REV1: variants seen among roughly 807,000 people sequenced by gnomAD.
REV1 encodes REV1 DNA directed polymerase.
REV1 carries 42 observed loss-of-function variants against 137.4 expected under a neutral mutation model. The ratio of observed to expected loss-of-function variants is 0.31; its 90% CI spans 0.24 to 0.40. The LOEUF (loss-of-function observed/expected upper bound fraction) is 0.40. REV1 is among the 10% of genes least tolerant of loss of function. The pLI is 1.00. For missense variants in REV1, 1,282 were observed against 1,490.1 expected (o/e 0.86, Z 2.30); for synonymous variants, 524 against 519.2 (o/e 1.01, Z -0.12).
chr2:99,450,753 G>A (rs1393419173), intron 3 of REV1, among the ~76,000 whole-genome samples: 2 of 152,064 alleles, frequency 1.3e-5, no homozygotes, highest in African/African-American at 2.4e-5. Context: ...ATTTCAACAT[G>A]TAATCAACAG....
chr2:99,431,223 A>T (rs1402714177), intron 8 of REV1, among the ~76,000 whole-genome samples: 4 of 152,242 alleles, frequency 2.6e-5, no homozygotes, highest in Non-Finnish European at 4.4e-5. Context: ...GCATAAATGC[A>T]AATCAAACTG....
chr2:99,419,969 G>A (rs1450449761), intron 11 of REV1, among the ~76,000 whole-genome samples: 1 of 152,212 alleles, frequency 6.6e-6, no homozygotes, highest in East Asian at 1.9e-4. Flanking sequence ...CAGGGGAGGG[G>A]AAAGGCACTG....
intron 9 of REV1, among the ~76,000 whole-genome samples, chr2:99,428,772 G>A (rs1306059814): frequency 2.6e-5 from 4 of 152,096 alleles, no homozygotes; most frequent in Non-Finnish European, 5.9e-5. Context: ...GAGGCGGATG[G>A]ATCACGAGGT....
At chr2:99,464,334 ATAT>A (rs1242034814) in intron 2 of REV1, among the ~76,000 whole-genome samples, 1 of 152,234 alleles carries the variant, frequency 6.6e-6, no homozygotes, top group Non-Finnish European at 1.5e-5. Flanking sequence ...GATTATTAAA[ATAT>A]TATATGCTCA....
chr2:99,454,986 C>T (rs1208800073), intron 3 of REV1, among the ~76,000 whole-genome samples: 1 of 152,158 alleles, frequency 6.6e-6, no homozygotes, highest in Non-Finnish European at 1.5e-5. Context: ...ATATGAAGAC[C>T]ACTTTCACGT....
intron 7 of REV1, among the ~76,000 whole-genome samples, chr2:99,435,107 T>C (rs1323973081): frequency 9.2e-5 from 14 of 152,206 alleles, no homozygotes; most frequent in Admixed American, 9.2e-4. Flanking sequence ...AGCTACTCTA[T>C]GAAAATCAAT....
Position 99,410,873 on chromosome 2 carries a change from G to A in REV1, c.2173-6C>T. On this transcript the variant is annotated splice_region_variant and splice_polypyrimidine_tract_variant and intron_variant, in intron 13 of 22. Transcript: ENST00000258428. ...AAAGCTTCTGCCTCTTTTGGCTATG[G>A]AAAGACAAACGTGGAGAAACTACCA... The A allele has an allele frequency of 1.9e-6, 3 of 1,576,764 alleles. No homozygotes were observed.
intron 17 of REV1, 41 bp downstream of exon 17, chr2:99,405,869 G>T (rs764910142): frequency 8.1e-6 from 10 of 1,235,766 alleles, no homozygotes; most frequent in Middle Eastern, 2.0e-4. Flanking sequence ...TTATATTTAG[G>T]AGTATAAAAT....
chr2:99,487,660 A>C lies in REV1; in HGVS notation c.-11+2157T>G. On this transcript the variant is annotated intron_variant, in intron 1 of 22. Transcript: ENST00000258428. ...TAGTAAAAAAAAACTTTTCATTTTT[A>C]AATGTTCTGTTTAATATACTCTATG... 1.7e-5 allele frequency among the ~76,000 whole-genome samples: 2 copies of C among 119,134 alleles called. 1 individual carries two copies. Among genetic ancestry groups the C allele is most frequent in the Non-Finnish European group, 3.7e-5 (2 of 54,582 alleles). The allele number at this position is 119,134 out of a possible 152,430, so 78.2% of individuals were successfully genotyped here.
At chr2:99,478,371 T>C (rs921051605) in intron 1 of REV1, among the ~76,000 whole-genome samples, 1 of 152,198 alleles carries the variant, frequency 6.6e-6, no homozygotes, top group African/African-American at 2.4e-5. Flanking sequence ...ATTGCATTTA[T>C]TAAGCATCTC....
At chr2:99,450,726 A>T (rs1306487830) in intron 3 of REV1, among the ~76,000 whole-genome samples, 2 of 152,236 alleles carry the variant, frequency 1.3e-5, no homozygotes, top group East Asian at 1.9e-4. Flanking sequence ...TATTTAACCC[A>T]ATATATCCAA....
At chr2:99,447,233 T>C (rs1268375811) in intron 4 of REV1, among the ~76,000 whole-genome samples, 1 of 152,002 alleles carries the variant, frequency 6.6e-6, no homozygotes, top group Non-Finnish European at 1.5e-5. Flanking sequence ...CTCAGCTCAT[T>C]GTAACCTTTG....
chr2:99,403,520 C>A, intron 19 of REV1, 175 bp downstream of exon 19: 1 of 833,616 alleles, frequency 1.2e-6, no homozygotes, highest in South Asian at 1.9e-5. Flanking sequence ...GACACAAATC[C>A]AACTAGAAAT....
At chr2:99,460,222 G>A (rs546784554) in intron 3 of REV1, among the ~76,000 whole-genome samples, 4 of 152,156 alleles carry the variant, frequency 2.6e-5, no homozygotes, top group African/African-American at 7.2e-5. Flanking sequence ...GACTACAGGC[G>A]CACGTCACCA....
Position 99,459,216 on chromosome 2 carries a change from AAAAAG to A in REV1, c.181+3275_181+3279del, listed in dbSNP as rs1322852123. 2.9e-3 allele frequency among the ~76,000 whole-genome samples: 443 copies of A among 151,338 alleles called. 3 individuals are homozygous for A. Among genetic ancestry groups the A allele is most frequent in the African/African-American group, 0.01 (420 of 41,184 alleles). ...GAGTGAGACTCTGTCTCAAAAAAAA[AAAAAG>A]AAAGATCTTTGTAGTGTGGAAATGT... On this transcript the variant is annotated intron_variant, in intron 3 of 22. Coordinates refer to ENST00000258428, the MANE Select transcript of REV1 (RefSeq NM_016316.4).
chr2:99,479,463 G>C (rs1467262752), intron 1 of REV1, among the ~76,000 whole-genome samples: 1 of 151,612 alleles, frequency 6.6e-6, no homozygotes, highest in Non-Finnish European at 1.5e-5. Flanking sequence ...ATAATCTATA[G>C]TTTTCAAGGT....
At chr2:99,436,317 T>G (rs1358783149) in intron 6 of REV1, among the ~76,000 whole-genome samples, 1 of 152,210 alleles carries the variant, frequency 6.6e-6, no homozygotes, top group African/African-American at 2.4e-5. Flanking sequence ...TATCCAGTGC[T>G]TGGTAGGTGT....
At chr2:99,414,974 A>C (rs1412798037) in intron 12 of REV1, among the ~76,000 whole-genome samples, 1 of 152,236 alleles carries the variant, frequency 6.6e-6, no homozygotes, top group Non-Finnish European at 1.5e-5. Flanking sequence ...AGTTAACCGT[A>C]ATCAATCTAA....
intron 1 of REV1, among the ~76,000 whole-genome samples, chr2:99,476,312 C>T (rs1346119704): frequency 6.6e-6 from 1 of 152,128 alleles, no homozygotes; most frequent in African/African-American, 2.4e-5. Flanking sequence ...AATCCCAACA[C>T]TTTAGGAGGC....
Sources: gnomAD v4.1 joint callset for allele counts (sites outside exome capture counted in the v4.1 genomes callset) on GRCh38, gnomAD v4.1.1 for gene constraint, MANE v1.5 for transcripts, NCBI Gene and HGNC (gene_info 2026-07-23, HGNC 2026-07-21) for gene names.